Variants in NAB1 observed in about 807,000 individuals in gnomAD.
NAB1 encodes the protein NGFI-A-binding protein 1.
In NAB1, 25 loss-of-function variants were observed where a neutral mutation model predicts 49.9. That is an observed-to-expected ratio of 0.50 (90% CI 0.37 to 0.70). The LOEUF is 0.70. Among genes scored for constraint, NAB1 ranks in the 30% least tolerant of loss-of-function variants. NAB1 has a pLI of 0.00. For synonymous variants in NAB1, 198 were observed against 215.6 expected, an observed-to-expected ratio of 0.92 and a Z score of 0.71; for missense variants, 489 against 575.9, an observed-to-expected ratio of 0.85 and a Z score of 1.54.
At chr2:190,653,196 C>CT (rs1693755557) in intron 2 of NAB1, among the ~76,000 whole-genome samples, 1 of 152,202 alleles carries the variant, frequency 6.6e-6, no homozygotes, top group Non-Finnish European at 1.5e-5. Context: ...AAGCTATACT[C>CT]TCCTGAACTT....
chr2:190,672,108 T>C (rs1694843312), intron 5 of NAB1, among the ~76,000 whole-genome samples: 2 of 152,144 alleles, frequency 1.3e-5, no homozygotes, highest in South Asian at 4.1e-4. Flanking sequence ...TACCTTAAAA[T>C]ATGTTAACAC....
In NAB1 at chr2:190,659,745, C is replaced by G; in HGVS notation, c.569C>G (p.Ala190Gly). ...GCGTCCCCAAAGGAGAGCAGTGAGG[C>G]GCTGGATGCTGCTGCTGCGCTCTCT... ...SPASPKESSE[A>G]LDAAAALSVA... The change falls in exon 4 of 10, where the codon GCG becomes GGG. Residue 190 changes from alanine (A) to glycine (G), a missense_variant. Physicochemically the swap from Ala to Gly is moderately conservative, Grantham distance 60. Transcript: ENST00000337386. The surrounding 1 kb of genome is among the most constrained non-coding windows in gnomAD (Gnocchi z 6.2). 2 of 1,614,044 alleles carry G rather than the reference C, an allele frequency of 1.2e-6. No individual in the cohort carries two copies. Among genetic ancestry groups the G allele is most frequent in the Non-Finnish European group, 8.5e-7 (1 of 1,179,940 alleles).
intron 4 of NAB1, among the ~76,000 whole-genome samples, chr2:190,661,186 C>T (rs1008682786): frequency 6.6e-6 from 1 of 152,168 alleles, no homozygotes; most frequent in African/African-American, 2.4e-5. Flanking sequence ...CTGTCTTGTC[C>T]TCCCAAAGTG....
At position 190,680,880 on chromosome 2, in the gene NAB1, C is replaced by T. The variant is rs13382951; in HGVS notation, c.1006-2858C>T. Among the ~76,000 whole-genome samples the T allele has an allele frequency of 0.19, 28,381 of 151,996 alleles. 3,170 individuals are homozygous for T. Among genetic ancestry groups the T allele is most frequent in the East Asian group, 0.37 (1,903 of 5,174 alleles). On this transcript the variant is annotated intron_variant, in intron 6 of 9. Transcript: ENST00000337386. The surrounding 1 kb of genome is among the most constrained non-coding windows in gnomAD (Gnocchi z 5.2). Reference sequence around the variant, plus strand: ...CATTTATCAAGTAATTCCTATGGGCCAGGCACTGTGTTAAGTATTTTTCAT... The same window carrying T: ...CATTTATCAAGTAATTCCTATGGGCTAGGCACTGTGTTAAGTATTTTTCAT...
intron 5 of NAB1, among the ~76,000 whole-genome samples, chr2:190,671,769 CTTTTTTTTTTT>C (rs1177937369): frequency 8.4e-5 from 6 of 71,750 alleles, no homozygotes; most frequent in South Asian, 1.1e-3. Context: ...TTCACCTTTC[CTTTTTTTTTTT>C]TTTTTTTTTT....
intron 2 of NAB1, among the ~76,000 whole-genome samples, chr2:190,650,824 A>G (rs980185165): frequency 1.1e-4 from 17 of 152,228 alleles, no homozygotes; most frequent in African/African-American, 4.1e-4. Context: ...CGGTATTAAC[A>G]TACAAATAAG....
chr2:190,661,346 T>A (rs753473688), intron 4 of NAB1, among the ~76,000 whole-genome samples: 1 of 152,222 alleles, frequency 6.6e-6, no homozygotes, highest in Non-Finnish European at 1.5e-5. Context: ...TTTGGGAGTA[T>A]CCTTTGAACC....
In NAB1 at chr2:190,667,572, T is replaced by G. The variant is rs939988561; in HGVS notation, c.820-2754T>G. ...ACTCTTTAGGAGGAGTGGAGAAGGC[T>G]GAAAATAAATTCTTCCTTCAATTAT... On this transcript the variant is annotated intron_variant, in intron 4 of 9. Coordinates refer to ENST00000337386, the MANE Select transcript of NAB1 (RefSeq NM_005966.4). The surrounding 1 kb of genome is among the most constrained non-coding windows in gnomAD (Gnocchi z 4.4). 6.6e-6 allele frequency among the ~76,000 whole-genome samples: 1 copy of G among 152,212 alleles called. No homozygotes were observed. The highest frequency in any genetic ancestry group is 1.5e-5 in the Non-Finnish European group (1 of 68,028).
intron 3 of NAB1, among the ~76,000 whole-genome samples, chr2:190,658,159 T>C (rs1051083285): frequency 8.5e-5 from 13 of 152,214 alleles, no homozygotes; most frequent in Middle Eastern, 3.2e-3. Context: ...AGTATGTTTC[T>C]TCCTTGGCTC....
rs776270091 is a variant in NAB1 at position 190,685,684 on chromosome 2, T to C, written c.1258+46T>C. 1.5e-6 allele frequency: 2 copies of C among 1,370,308 alleles called. No homozygotes were observed. Among genetic ancestry groups the C allele is most frequent in the Non-Finnish European group, 1.9e-6 (2 of 1,044,670 alleles). The allele number at this position is 1,370,308 out of a possible 1,614,324, so 84.9% of individuals were successfully genotyped here. A position where few individuals can be genotyped will look rare whatever the true frequency, so the allele number is the denominator to read the frequency against. ...ATGCCTTTAGGGCCACTATGTGCAC[T>C]TCAAAGAGAAACAGAAGACAGTGGC... On this transcript the variant is annotated intron_variant, in intron 8 of 9. Coordinates refer to ENST00000337386, the MANE Select transcript of NAB1 (RefSeq NM_005966.4). The surrounding 1 kb of genome is among the most constrained non-coding windows in gnomAD (Gnocchi z 4.5).
chr2:190,662,148 A>G (rs369533712), intron 4 of NAB1, among the ~76,000 whole-genome samples: 6 of 152,144 alleles, frequency 3.9e-5, no homozygotes, highest in African/African-American at 1.2e-4. Flanking sequence ...GATTTTCTTC[A>G]TATAAATTGT....
At position 190,670,013 on chromosome 2, in the gene NAB1, G is replaced by T. The variant is rs1422736537; in HGVS notation, c.820-313G>T. 6.6e-6 allele frequency among the ~76,000 whole-genome samples: 1 copy of T among 151,922 alleles called. No individual in the cohort carries two copies. The highest frequency in any genetic ancestry group is 2.4e-5 in the African/African-American group (1 of 41,346). ...TAATATTTTGGGTTTTTTTATAAGC[G>T]AGTTGCAGAATATTTTTTACTTTTT... is the stretch of plus-strand genomic sequence containing the variant. On this transcript the variant is annotated intron_variant, in intron 4 of 9. Transcript: ENST00000337386. The surrounding 1 kb of genome is among the most constrained non-coding windows in gnomAD (Gnocchi z 5.3).
At position 190,674,639 on chromosome 2, in the gene NAB1, A is replaced by G. The variant is rs1694984669; in HGVS notation, c.1005+1487A>G. Among the ~76,000 whole-genome samples the G allele has an allele frequency of 6.6e-6, 1 of 152,368 alleles. No individual in the cohort carries two copies. The highest frequency in any genetic ancestry group is 2.4e-5 in the African/African-American group (1 of 41,592). ...ACCTAATAGGCACTTAATAAAATCTATAGAATGAAATAATGAATGGCTGCA... is the reference window on the plus strand; with the variant it reads ...ACCTAATAGGCACTTAATAAAATCTGTAGAATGAAATAATGAATGGCTGCA... On this transcript the variant is annotated intron_variant, in intron 6 of 9. Transcript: ENST00000337386. The surrounding 1 kb of genome is among the most constrained non-coding windows in gnomAD (Gnocchi z 5.7).
intron 9 of NAB1, 34 bp from the exon 10 acceptor site, chr2:190,690,211 A>C: frequency 6.9e-7 from 1 of 1,443,814 alleles, no homozygotes; most frequent in Non-Finnish European, 9.7e-7. Context: ...CATTGATTAA[A>C]ATATCAACTC....
rs1450857948 is a variant in NAB1 at position 190,651,263 on chromosome 2, A to C, written c.-197+1281A>C. Among the ~76,000 whole-genome samples, 1 of 140,546 alleles carries C rather than the reference A, an allele frequency of 7.1e-6. No homozygotes were observed. The highest frequency in any genetic ancestry group is 1.6e-5 in the Non-Finnish European group (1 of 60,754). The allele number at this position is 140,546 out of a possible 152,430, so 92.2% of individuals were successfully genotyped here. A position where few individuals can be genotyped will look rare whatever the true frequency, so the allele number is the denominator to read the frequency against. On this transcript the variant is annotated intron_variant, in intron 2 of 9. Transcript: ENST00000337386. This position sits in a 1 kb window ranked among gnomAD's most constrained non-coding sequence, Gnocchi z 4.3. The stretch of plus-strand genomic sequence containing the variant: ...ATACTTTATCTCATCTTATTTCAAA[A>C]TTATTCAGTTGAGTAATCTCTTTTT...
rs1351845965 is a variant in NAB1, at chr2:190,678,956, A to G, written c.1006-4782A>G. ...AGCTTGCTAGTGTTCGGCAGAAAGG[A>G]TGAGGAGGCATGGGGATGGAGACCA... On this transcript the variant is annotated intron_variant, in intron 6 of 9. Transcript: ENST00000337386. This position sits in a 1 kb window ranked among gnomAD's most constrained non-coding sequence, Gnocchi z 4.9. Among the ~76,000 whole-genome samples the G allele has an allele frequency of 2.6e-5, 4 of 152,212 alleles. No individual in the cohort carries two copies. The highest frequency in any genetic ancestry group is 9.7e-5 in the African/African-American group (4 of 41,444).
Position 190,676,771 on chromosome 2 carries a change from C to G in NAB1, c.1005+3619C>G, listed in dbSNP as rs919938990. Among the ~76,000 whole-genome samples the G allele has an allele frequency of 1.3e-5, 2 of 152,084 alleles. No individual in the cohort carries two copies. The highest frequency in any genetic ancestry group is 2.9e-5 in the Non-Finnish European group (2 of 68,016). On this transcript the variant is annotated intron_variant, in intron 6 of 9. Coordinates refer to ENST00000337386, the MANE Select transcript of NAB1 (RefSeq NM_005966.4). The surrounding 1 kb of genome is among the most constrained non-coding windows in gnomAD (Gnocchi z 4.6). ...TGTAACAGATTTCTAATTACAAGGC[C>G]CAAACTAATGAGACAAGTTTTTCTC...
In NAB1 at chr2:190,669,327, C is replaced by A. The variant is rs1002490044; in HGVS notation, c.820-999C>A. On this transcript the variant is annotated intron_variant, in intron 4 of 9. Transcript: ENST00000337386. This position sits in a 1 kb window ranked among gnomAD's most constrained non-coding sequence, Gnocchi z 4.3. ...TACCTGATTTCTTATGAAAAGAAAACAAGAATTAACACTAACCACAACCTT... is the reference window on the plus strand; with the variant it reads ...TACCTGATTTCTTATGAAAAGAAAAAAAGAATTAACACTAACCACAACCTT... Among the ~76,000 whole-genome samples, 1 of 152,178 alleles carries A rather than the reference C, an allele frequency of 6.6e-6. No homozygotes were observed. Among genetic ancestry groups the A allele is most frequent in the Non-Finnish European group, 1.5e-5 (1 of 68,016 alleles).
Position 190,685,381 on chromosome 2 carries a change from A to G in NAB1, c.1096-95A>G. 1 of 1,129,454 alleles carries G rather than the reference A, an allele frequency of 8.9e-7. No individual in the cohort carries two copies. Among genetic ancestry groups the G allele is most frequent in the Non-Finnish European group, 1.2e-6 (1 of 809,206 alleles). The allele number at this position is 1,129,454 out of a possible 1,614,324, so 70.0% of individuals were successfully genotyped here. A position where few individuals can be genotyped will look rare whatever the true frequency, so the allele number is the denominator to read the frequency against. ...GTGTGAACTAATTTTAATGAATACT[A>G]AATATATTTGCTGGAGTCTGAAATT... On this transcript the variant is annotated intron_variant, in intron 7 of 9. Coordinates refer to ENST00000337386, the MANE Select transcript of NAB1 (RefSeq NM_005966.4). The surrounding 1 kb of genome is among the most constrained non-coding windows in gnomAD (Gnocchi z 4.5).
Sources: gnomAD v4.1 joint callset for allele counts (sites outside exome capture counted in the v4.1 genomes callset) on GRCh38, gnomAD v4.1.1 for gene constraint, Gnocchi (gnomAD v3.1) non-coding constraint, MANE v1.5 for transcripts, NCBI Gene and HGNC (gene_info 2026-07-23, HGNC 2026-07-21) for gene names.